Variants in TAAR5 observed in about 807,000 individuals in gnomAD.
The protein encoded by TAAR5 is trace amine associated receptor 5.
A neutral mutation model predicts 21.1 loss-of-function variants in TAAR5; 27 were observed. The observed-to-expected ratio is 1.28, with a 90% CI of 0.94 to 1.76. The LOEUF (loss-of-function observed/expected upper bound fraction) is 1.76. TAAR5 is among the 40% of genes most tolerant of loss of function. The pLI is 0.00. For missense variants in TAAR5, 495 were observed against 405.6 expected (o/e 1.22, Z -1.89); for synonymous variants, 203 against 167.5 (o/e 1.21, Z -1.64).
chr6:132,606,303 G>A, the TAAR5 span, among the ~76,000 whole-genome samples: 7 of 152,056 alleles, frequency 4.6e-5, no homozygotes, highest in Admixed American at 1.3e-4. Flanking sequence ...TAAATAAGTA[G>A]AGAAACAAAT....
At chr6:132,606,927 G>A in the TAAR5 span, among the ~76,000 whole-genome samples, 1 of 152,224 alleles carries the variant, frequency 6.6e-6, no homozygotes, top group Non-Finnish European at 1.5e-5. Context: ...CACTGGGGGT[G>A]GATCATGCCT....
At chr6:132,611,836 T>C in the TAAR5 span, among the ~76,000 whole-genome samples, 1 of 152,214 alleles carries the variant, frequency 6.6e-6, no homozygotes, top group Admixed American at 6.5e-5. Flanking sequence ...CAGGCCTTGT[T>C]AAGTTAGCCC....
the TAAR5 span, among the ~76,000 whole-genome samples, chr6:132,601,019 G>GGAAGGAGGGAAAGAA: frequency 5.1e-5 from 1 of 19,626 alleles, no homozygotes; most frequent in African/African-American, 7.3e-4. Context: ...GAAGGAAGGG[G>GGAAGGAGGGAAAGAA]GGAAGGAGGG....
upstream of TAAR5, among the ~76,000 whole-genome samples, chr6:132,592,039 T>C (rs1381247362): frequency 6.6e-6 from 1 of 152,226 alleles, no homozygotes; most frequent in Non-Finnish European, 1.5e-5. Flanking sequence ...TTATCCCTTC[T>C]TCCACTGACT....
chr6:132,614,693 T>C, the TAAR5 span, among the ~76,000 whole-genome samples: 3 of 152,188 alleles, frequency 2.0e-5, no homozygotes, highest in East Asian at 5.8e-4. Context: ...ATGATTCATA[T>C]ATAAGTTTGC....
chr6:132,611,736 T>G, the TAAR5 span, among the ~76,000 whole-genome samples: 1 of 152,322 alleles, frequency 6.6e-6, no homozygotes, highest in African/African-American at 2.4e-5. Flanking sequence ...TGATCTGGTC[T>G]TCTCCTAAAA....
chr6:132,595,024 G>A, the TAAR5 span: 1 of 152,206 alleles, frequency 6.6e-6, no homozygotes, highest in Non-Finnish European at 1.5e-5. Context: ...ATATTGCAAT[G>A]GGTCTCAAAC....
the TAAR5 span, among the ~76,000 whole-genome samples, chr6:132,597,614 C>T: frequency 6.6e-6 from 1 of 152,176 alleles, no homozygotes; most frequent in Admixed American, 6.6e-5. Flanking sequence ...TATGGCATCT[C>T]ACTTTTTTCA....
At chr6:132,594,001 G>A (rs1338266876), upstream of TAAR5, among the ~76,000 whole-genome samples, 1 of 152,162 alleles carries the variant, frequency 6.6e-6, no homozygotes, top group East Asian at 1.9e-4. Context: ...TCTCAAGAAA[G>A]ATTTAGATAA....
chr6:132,601,349 A>G, the TAAR5 span, among the ~76,000 whole-genome samples: 1 of 152,236 alleles, frequency 6.6e-6, no homozygotes. Context: ...TGCAAAGTAT[A>G]TATTCATCTG....
At chr6:132,601,430 T>G in the TAAR5 span, among the ~76,000 whole-genome samples, 1 of 152,228 alleles carries the variant, frequency 6.6e-6, no homozygotes, top group Non-Finnish European at 1.5e-5. Context: ...AGCTTACCAT[T>G]GTGTTCTGTG....
the TAAR5 span, among the ~76,000 whole-genome samples, chr6:132,604,543 A>C: frequency 6.6e-6 from 1 of 152,168 alleles, no homozygotes; most frequent in Non-Finnish European, 1.5e-5. Context: ...GAGGATGGTG[A>C]ATAGTCCCCC....
At chr6:132,612,692 G>C in the TAAR5 span, among the ~76,000 whole-genome samples, 1 of 152,168 alleles carries the variant, frequency 6.6e-6, no homozygotes, top group Non-Finnish European at 1.5e-5. Context: ...AGATGGGGTT[G>C]TCTTGGCTCT....
At chr6:132,601,109 A>AAGGAAGGAGGGAAGG in the TAAR5 span, among the ~76,000 whole-genome samples, 1 of 22,980 alleles carries the variant, frequency 4.4e-5, no homozygotes, top group Non-Finnish European at 8.0e-5. Context: ...AGGAGGGAAG[A>AAGGAAGGAGGGAAGG]AGGGAAGGAG....
upstream of TAAR5, chr6:132,589,742 CAAAAAAAAAAAAAA>C (rs567338856): frequency 0.033 from 1,984 of 60,444 alleles, 10 homozygotes; most frequent in Middle Eastern, 0.046. Flanking sequence ...CACTGGAGGG[CAAAAAAAAAAAAAA>C]AAAAAAAAAA....
At chr6:132,600,475 A>G in the TAAR5 span, among the ~76,000 whole-genome samples, 78,541 of 151,922 alleles carry the variant, frequency 0.52, 21,365 homozygotes, top group African/African-American at 0.69. Flanking sequence ...GAACTCCCCA[A>G]TCGGCCATGA....
chr6:132,605,542 C>G, the TAAR5 span, among the ~76,000 whole-genome samples: 1 of 152,162 alleles, frequency 6.6e-6, no homozygotes, highest in African/African-American at 2.4e-5. Flanking sequence ...CCAGCTGTCC[C>G]TGTACTGCTC....
chr6:132,615,222 T>C, the TAAR5 span, among the ~76,000 whole-genome samples: 3 of 152,184 alleles, frequency 2.0e-5, no homozygotes, highest in African/African-American at 7.2e-5. Context: ...TTCATGGTCA[T>C]TCTGGAAAGA....
chr6:132,608,638 A>G, the TAAR5 span: 1 of 455,930 alleles, frequency 2.2e-6, no homozygotes, highest in South Asian at 1.5e-5. Flanking sequence ...ATAAATACCA[A>G]CCATGATGGA....
Sources: allele counts gnomAD v4.1 joint callset (sites outside exome capture counted in the v4.1 genomes callset), GRCh38; gene constraint gnomAD v4.1.1; transcripts MANE v1.5; gene names NCBI Gene and HGNC (gene_info 2026-07-23, HGNC 2026-07-21).